Variants in IL15 observed in about 807,000 individuals in gnomAD.
IL15 encodes the protein interleukin 15.
In IL15, 11 loss-of-function variants were observed where a neutral mutation model predicts 19.6. The observed-to-expected ratio is 0.56, with a 90% CI of 0.35 to 0.93. The LOEUF (loss-of-function observed/expected upper bound fraction) is 0.93, where lower values mean the gene tolerates loss of function less well. Ranked by LOEUF, IL15 falls within the 40% of genes least tolerant of loss-of-function variation. The pLI is 0.01. For synonymous variants in IL15, 58 were observed against 59.6 expected (o/e 0.97, Z 0.12); for missense variants, 197 against 186.5 (o/e 1.06, Z -0.33).
intron 2 of IL15, among the ~76,000 whole-genome samples, chr4:141,678,156 T>G (rs1350163196): frequency 6.6e-6 from 1 of 152,186 alleles, no homozygotes; most frequent in Non-Finnish European, 1.5e-5. Context: ...TCCTGTAAAA[T>G]AGGAGATCCA....
intron 3 of IL15, 35 bp downstream of exon 3, chr4:141,719,511 A>G (rs775243187): frequency 7.5e-7 from 1 of 1,332,714 alleles, no homozygotes; most frequent in South Asian, 1.2e-5. Context: ...ATCCTATGGA[A>G]TTTCCCTTAA....
intron 2 of IL15, among the ~76,000 whole-genome samples, chr4:141,703,436 C>T (rs1329499603): frequency 4.6e-5 from 7 of 152,160 alleles, no homozygotes; most frequent in Admixed American, 1.3e-4. Context: ...ACTAGAGACT[C>T]AGAATACCTG....
At chr4:141,658,203 C>A (rs1727671926) in intron 2 of IL15, among the ~76,000 whole-genome samples, 1 of 152,168 alleles carries the variant, frequency 6.6e-6, no homozygotes, top group African/African-American at 2.4e-5. Flanking sequence ...TTTCCTCCTG[C>A]TCTGGCCATG....
At chr4:141,672,739 G>C (rs921881391) in intron 2 of IL15, among the ~76,000 whole-genome samples, 16 of 152,176 alleles carry the variant, frequency 1.1e-4, no homozygotes, top group Admixed American at 1.0e-3. Flanking sequence ...AAACATACCA[G>C]TTTATAGCCA....
chr4:141,706,094 A>C (rs1242092831), intron 2 of IL15, among the ~76,000 whole-genome samples: 3 of 151,868 alleles, frequency 2.0e-5, no homozygotes, highest in Non-Finnish European at 4.4e-5. Flanking sequence ...CCTAACATTA[A>C]AAAAATTACT....
chr4:141,643,710 T>A (rs1727128615), intron 1 of IL15, among the ~76,000 whole-genome samples: 1 of 152,082 alleles, frequency 6.6e-6, no homozygotes, highest in Admixed American at 6.5e-5. Flanking sequence ...GCTCAGTCCT[T>A]AGGCCTGTTC....
chr4:141,710,828 C>A (rs1729694221), intron 2 of IL15, among the ~76,000 whole-genome samples: 9 of 151,684 alleles, frequency 5.9e-5, no homozygotes, highest in Admixed American at 5.9e-4. Flanking sequence ...TGACTTTTTG[C>A]AATTAATTAG....
chr4:141,670,330 G>A (rs1362503030), intron 2 of IL15, among the ~76,000 whole-genome samples: 1 of 152,070 alleles, frequency 6.6e-6, no homozygotes, highest in African/African-American at 2.4e-5. Flanking sequence ...CAAGGAATTA[G>A]AATATTTATG....
rs764462574 is a variant in IL15, at chr4:141,681,858, C to T, written c.-100+25551C>T. Among the ~76,000 whole-genome samples the T allele has an allele frequency of 1.3e-4, 20 of 152,202 alleles. No homozygotes were observed. The South Asian group carries it at 3.7e-3, about 28-fold the overall frequency. ...GTTGGTGCAGAAAGCTTATTCTCTC[C>T]GTTGGTTGTATATAACTCACAGACA... On this transcript the variant is annotated intron_variant, in intron 2 of 7. Coordinates refer to ENST00000320650, the MANE Select transcript of IL15 (RefSeq NM_000585.5).
At chr4:141,667,230 C>T (rs1247164529) in intron 2 of IL15, among the ~76,000 whole-genome samples, 1 of 152,116 alleles carries the variant, frequency 6.6e-6, no homozygotes, top group East Asian at 1.9e-4. Flanking sequence ...ATTATGTGAG[C>T]CAGCCTAACA....
At chr4:141,692,860 G>A (rs1265856653) in intron 2 of IL15, among the ~76,000 whole-genome samples, 2 of 151,506 alleles carry the variant, frequency 1.3e-5, no homozygotes, top group Admixed American at 6.6e-5. Flanking sequence ...CTATTACCCA[G>A]TTCAAAAGTC....
chr4:141,646,323 C>T (rs1194756917), intron 1 of IL15, among the ~76,000 whole-genome samples: 4 of 152,082 alleles, frequency 2.6e-5, no homozygotes, highest in African/African-American at 9.7e-5. Flanking sequence ...CTACTCTTCC[C>T]TTAGCTCACT....
intron 7 of IL15, 62 bp from the exon 8 acceptor site, chr4:141,732,676 C>A: frequency 1.3e-6 from 2 of 1,581,736 alleles, no homozygotes; most frequent in South Asian, 1.2e-5. Flanking sequence ...ATTCCCATTC[C>A]CATGAATGTA....
At chr4:141,671,111 C>G (rs1033950382) in intron 2 of IL15, among the ~76,000 whole-genome samples, 6 of 152,140 alleles carry the variant, frequency 3.9e-5, no homozygotes, top group African/African-American at 1.4e-4. Context: ...ATATGCTAGT[C>G]TTAATGTATA....
intron 2 of IL15, among the ~76,000 whole-genome samples, chr4:141,658,394 T>C (rs570617715): frequency 2.0e-5 from 3 of 152,292 alleles, no homozygotes; most frequent in South Asian, 4.1e-4. Context: ...CAGACATCTT[T>C]GTCACCAGCT....
chr4:141,710,395 A>G (rs985207500), intron 2 of IL15, among the ~76,000 whole-genome samples: 4 of 151,996 alleles, frequency 2.6e-5, no homozygotes, highest in Non-Finnish European at 5.9e-5. Flanking sequence ...CTTTTTCTCT[A>G]TTCTTGTTAC....
chr4:141,645,367 T>A (rs148248939), intron 1 of IL15, among the ~76,000 whole-genome samples: 2 of 152,250 alleles, frequency 1.3e-5, no homozygotes, highest in Admixed American at 6.5e-5. Context: ...CCTGATTTGA[T>A]CTCCAACCTG....
chr4:141,653,717 C>G (rs868192218), intron 1 of IL15, among the ~76,000 whole-genome samples: 12 of 152,072 alleles, frequency 7.9e-5, no homozygotes, highest in African/African-American at 2.7e-4. Flanking sequence ...AAGCAGTACC[C>G]TACTGATGGA....
At chr4:141,637,666 A>G (rs1726903748) in intron 1 of IL15, among the ~76,000 whole-genome samples, 1 of 152,208 alleles carries the variant, frequency 6.6e-6, no homozygotes, top group South Asian at 2.1e-4. Flanking sequence ...GTATGTCTAA[A>G]CCAAACTAAT....
Sources: gnomAD v4.1 joint callset for allele counts (sites outside exome capture counted in the v4.1 genomes callset) on GRCh38, gnomAD v4.1.1 for gene constraint, MANE v1.5 for transcripts, NCBI Gene and HGNC (gene_info 2026-07-23, HGNC 2026-07-21) for gene names.